Variants in PHIP observed in about 807,000 individuals in gnomAD.
PHIP encodes the protein PHIP subunit of CUL4-Ring ligase complex, also known as PH-interacting protein.
In PHIP, 54 loss-of-function variants were observed where a neutral mutation model predicts 236.8. The ratio of observed to expected loss-of-function variants is 0.23; its 90% CI spans 0.18 to 0.29. The LOEUF is 0.29. Ranked by LOEUF, PHIP falls within the 10% of genes least tolerant of loss-of-function variation. PHIP has a pLI of 1.00. For missense variants in PHIP, 1,370 were observed against 2,190.8 expected (o/e 0.63, Z 7.48); for synonymous variants, 756 against 718.9 (o/e 1.05, Z -0.83).
intron 6 of PHIP, among the ~76,000 whole-genome samples, chr6:79,060,244 A>G (rs902169325): frequency 3.9e-5 from 6 of 152,346 alleles, no homozygotes; most frequent in African/African-American, 1.4e-4. Flanking sequence ...TCGTAAAAAT[A>G]AAATTCCAAT....
At chr6:79,077,752 G>C in intron 2 of PHIP, 23 bp from the exon 3 acceptor site, 1 of 986,448 alleles carries the variant, frequency 1.0e-6, no homozygotes, top group Non-Finnish European at 1.2e-6. Context: ...AGCGGGGAGA[G>C]CTGAGCCCCG....
In PHIP at chr6:78,946,085, C is replaced by G. The variant is rs138108985; in HGVS notation, c.4546G>C (p.Val1516Leu). ...TRSNRVVVDPVVTEQPSTSSA... is the reference protein window; with the variant it reads ...TRSNRVVVDPLVTEQPSTSSA... ...GAAGTAGATGGTTGCTCAGTGACAA[C>G]TGGATCTACAACCACTCGGTTGCTT... Residue 1516 changes from valine to leucine, a missense_variant, in exon 38 of 40, where the codon GTT becomes CTT. Physicochemically the swap from Val to Leu is conservative, Grantham distance 32 (BLOSUM62 1). Transcript: ENST00000275034. 2 of 1,613,510 alleles carry G rather than the reference C, an allele frequency of 1.2e-6. No individual in the cohort carries two copies. The highest frequency in any genetic ancestry group is 1.7e-6 in the Non-Finnish European group (2 of 1,179,436).
At chr6:79,074,927 T>C (rs983525205) in intron 4 of PHIP, among the ~76,000 whole-genome samples, 3 of 152,148 alleles carry the variant, frequency 2.0e-5, no homozygotes, top group Non-Finnish European at 4.4e-5. Context: ...GAAATTTCAA[T>C]GCGATGTGAT....
chr6:78,947,845 C>T (rs771410191), intron 35 of PHIP, 70 bp from the exon 36 acceptor site: 21 of 1,066,334 alleles, frequency 2.0e-5, no homozygotes, highest in Middle Eastern at 2.1e-4. Flanking sequence ...TGCAGGGATT[C>T]GCACAGGATT....
intron 7 of PHIP, among the ~76,000 whole-genome samples, chr6:79,039,655 C>A (rs1180936200): frequency 2.0e-5 from 3 of 152,056 alleles, no homozygotes; most frequent in East Asian, 1.9e-4. Context: ...CTTTATTATA[C>A]CATATTAATT....
intron 4 of PHIP, 55 bp downstream of exon 4, chr6:79,077,393 A>T: frequency 6.8e-7 from 1 of 1,473,882 alleles, no homozygotes; most frequent in Non-Finnish European, 9.4e-7. Context: ...CGGGAAATTC[A>T]ATTTTTATTC....
intron 14 of PHIP, 69 bp from the exon 15 acceptor site, chr6:79,015,285 T>C (rs1582225361): frequency 8.2e-7 from 1 of 1,217,904 alleles, no homozygotes. Context: ...CATAATGAAA[T>C]ACCAATATGG....
Position 78,970,965 on chromosome 6 carries a change from C to G in PHIP, c.2890-77G>C. 3.1e-6 allele frequency: 3 copies of G among 952,652 alleles called. No individual in the cohort carries two copies. In the South Asian group the frequency reaches 4.7e-5, roughly 15 times the overall value. The allele number at this position is 952,652 out of a possible 1,614,324, so 59.0% of individuals were successfully genotyped here. A position where few individuals can be genotyped will look rare whatever the true frequency, so the allele number is the denominator to read the frequency against. On this transcript the variant is annotated intron_variant, in intron 24 of 39. Transcript: ENST00000275034. ...ATATACAGGGTATCAGCTGAAATTG[C>G]AAAGAGAAAATCTAATGCCTTTTCA...
At chr6:79,018,816 G>C (rs570718747) in intron 10 of PHIP, among the ~76,000 whole-genome samples, 5 of 151,996 alleles carry the variant, frequency 3.3e-5, no homozygotes, top group African/African-American at 9.6e-5. Flanking sequence ...TTCTTTAACA[G>C]GGTCGATTTT....
intron 27 of PHIP, among the ~76,000 whole-genome samples, chr6:78,967,314 G>A (rs1284250003): frequency 6.6e-6 from 1 of 152,134 alleles, no homozygotes; most frequent in Non-Finnish European, 1.5e-5. Flanking sequence ...AGTTTAATAA[G>A]AAGCATTCTT....
intron 24 of PHIP, among the ~76,000 whole-genome samples, chr6:78,977,170 T>C (rs1768153349): frequency 1.3e-5 from 2 of 149,764 alleles, no homozygotes; most frequent in African/African-American, 2.5e-5. Context: ...ATGTGGCACA[T>C]ATACACCATG....
chr6:79,017,028 AGG>A (rs1770862290), intron 12 of PHIP, among the ~76,000 whole-genome samples: 11 of 152,130 alleles, frequency 7.2e-5, no homozygotes, highest in Admixed American at 7.2e-4. Context: ...ATCAATAAAC[AGG>A]TCTGCCTTAA....
intron 24 of PHIP, among the ~76,000 whole-genome samples, chr6:78,972,749 G>A (rs975969096): frequency 5.9e-5 from 9 of 152,096 alleles, no homozygotes; most frequent in South Asian, 4.2e-4. Context: ...CTCAGGAGCC[G>A]ATGCGATGAA....
intron 4 of PHIP, among the ~76,000 whole-genome samples, chr6:79,065,838 A>C (rs1260215652): frequency 6.6e-6 from 1 of 151,806 alleles, no homozygotes; most frequent in Non-Finnish European, 1.5e-5. Context: ...AAAATAAAAC[A>C]ATCTTTTCTA....
At chr6:78,985,265 A>G (rs1402736608) in intron 22 of PHIP, 87 bp downstream of exon 22, 5 of 750,150 alleles carry the variant, frequency 6.7e-6, no homozygotes, top group East Asian at 5.0e-5. Flanking sequence ...ACTTACAGAG[A>G]CTTTGAAACG....
rs767431137 is a variant in PHIP, at chr6:78,954,806, A to G, written c.4053+8T>C. Reference sequence around the variant, plus strand: ...ACAGGTAAAGAAAATATTTTCAAAAATACTTACTGGATATTCAAGGAGATC... The same window carrying G: ...ACAGGTAAAGAAAATATTTTCAAAAGTACTTACTGGATATTCAAGGAGATC... On this transcript the variant is annotated splice_region_variant and intron_variant, in intron 35 of 39. Transcript: ENST00000275034. 4 of 1,562,268 alleles carry G rather than the reference A, an allele frequency of 2.6e-6. No homozygotes were observed. In the African/African-American group the frequency reaches 4.2e-5, roughly 16 times the overall value.
At chr6:78,978,102 A>T (rs1340237016) in intron 24 of PHIP, among the ~76,000 whole-genome samples, 2 of 152,118 alleles carry the variant, frequency 1.3e-5, no homozygotes, top group Non-Finnish European at 2.9e-5. Context: ...CAATGGTCTC[A>T]TCCTCAGTTT....
intron 6 of PHIP, among the ~76,000 whole-genome samples, chr6:79,043,721 T>C (rs1488381377): frequency 6.7e-6 from 1 of 149,320 alleles, no homozygotes; most frequent in Non-Finnish European, 1.5e-5. Context: ...ATTACTACTG[T>C]ACTTATTTTC....
At chr6:79,068,292 G>A (rs1273289906) in intron 4 of PHIP, among the ~76,000 whole-genome samples, 2 of 152,064 alleles carry the variant, frequency 1.3e-5, no homozygotes, top group African/African-American at 4.8e-5. Flanking sequence ...GTGAAACCCC[G>A]TCTCTACCAA....
Sources: gnomAD v4.1 joint callset for allele counts (sites outside exome capture counted in the v4.1 genomes callset) on GRCh38, gnomAD v4.1.1 for gene constraint, MANE v1.5 for transcripts, NCBI Gene and HGNC (gene_info 2026-07-23, HGNC 2026-07-21) for gene names.